Variants in CDHR2 observed in about 807,000 individuals in gnomAD.
The protein encoded by CDHR2 is cadherin-related family member 2.
CDHR2 carries 104 observed loss-of-function variants against 138.6 expected under a neutral mutation model. The observed-to-expected ratio is 0.75, with a 90% CI of 0.64 to 0.88. CDHR2 has a LOEUF of 0.88. Ranked by LOEUF, CDHR2 falls within the 40% of genes least tolerant of loss-of-function variation. The pLI, the probability that CDHR2 is intolerant of heterozygous loss-of-function variation, is 0.00. For missense variants in CDHR2, 1,624 were observed against 1,727.6 expected, an observed-to-expected ratio of 0.94 and a Z score of 1.06; for synonymous variants, 755 against 742.8, an observed-to-expected ratio of 1.02 and a Z score of -0.27.
At chr5:176,582,957 C>A (rs1350688549) in intron 17 of CDHR2, among the ~76,000 whole-genome samples, 1 of 152,190 alleles carries the variant, frequency 6.6e-6, no homozygotes, top group Admixed American at 6.5e-5. Flanking sequence ...GGATGGCACC[C>A]CATAGGGTTG....
At chr5:176,581,296 G>C in intron 16 of CDHR2, 47 bp from the exon 17 acceptor site, 1 of 1,603,794 alleles carries the variant, frequency 6.2e-7, no homozygotes, top group Non-Finnish European at 8.5e-7. Flanking sequence ...GGGGCTGGGG[G>C]CTGGGAATGC....
At chr5:176,552,896 G>A (rs1757740147) in intron 1 of CDHR2, among the ~76,000 whole-genome samples, 1 of 152,226 alleles carries the variant, frequency 6.6e-6, no homozygotes, top group Non-Finnish European at 1.5e-5. Flanking sequence ...AAAGGGGATT[G>A]ATGAATCCAG....
rs760127288 is a variant in CDHR2, at chr5:176,575,593, G to A, written c.844+12G>A. Reference sequence around the variant, plus strand: ...CTACAGCATCTCCTGTGAGAACGGGGTGTCCCCAGGCCAGGGCTGGGCCGG... The same window carrying A: ...CTACAGCATCTCCTGTGAGAACGGGATGTCCCCAGGCCAGGGCTGGGCCGG... On this transcript the variant is annotated intron_variant, in intron 10 of 31. Transcript: ENST00000261944. 6 of 1,613,822 alleles carry A rather than the reference G, an allele frequency of 3.7e-6. No homozygotes were observed. The highest frequency in any genetic ancestry group is 5.1e-6 in the Non-Finnish European group (6 of 1,179,702).
chr5:176,591,119 C>T (rs567423226), intron 28 of CDHR2, 91 bp from the exon 29 acceptor site: 65 of 844,828 alleles, frequency 7.7e-5, no homozygotes, highest in African/African-American at 6.2e-4. Context: ...ACTCACCTCC[C>T]GGGATCTTGT....
At chr5:176,571,606 G>A (rs1758233187) in intron 6 of CDHR2, among the ~76,000 whole-genome samples, 1 of 151,786 alleles carries the variant, frequency 6.6e-6, no homozygotes, top group South Asian at 2.1e-4. Context: ...GCACGATCTC[G>A]GCTCACTGCA....
At position 176,581,346 on chromosome 5, in the gene CDHR2, C is replaced by T; in HGVS notation, c.1822C>T (p.His608Tyr). Residue 608 changes from histidine (H) to tyrosine (Y), a missense_variant, in exon 17 of 32, where the codon CAC becomes TAC. Coordinates refer to ENST00000261944, the MANE Select transcript of CDHR2 (RefSeq NM_017675.6). The part of the protein sequence containing the change: ...EGNVSVTIQA[H>Y]DNDEPGTNNS... ...CAACCCCTGCTTACGTGCACAGGCC[C>T]ACGACAATGATGAGCCGGGCACCAA... 3 of 1,613,036 alleles carry T rather than the reference C, an allele frequency of 1.9e-6. No homozygotes were observed. Among genetic ancestry groups the T allele is most frequent in the Non-Finnish European group, 2.5e-6 (3 of 1,179,988 alleles).
In CDHR2 at chr5:176,585,004, A is replaced by G; in HGVS notation, c.2723A>G (p.Tyr908Cys). ...GCCACGGACCCCGGCTTCCAGGCCT[A>G]CAGCAACAATGGTAAGGCAGCCTGT... is the stretch of plus-strand genomic sequence containing the variant. ...DLATDPGFQA[Y>C]SNNGSLLITI... Residue 908 changes from tyrosine (Y) to cysteine (C), a missense_variant, in exon 19 of 32, where the codon TAC becomes TGC. Transcript: ENST00000261944. 2 of 1,545,128 alleles carry G rather than the reference A, an allele frequency of 1.3e-6. No homozygotes were observed. The highest frequency in any genetic ancestry group is 1.8e-6 in the Non-Finnish European group (2 of 1,141,472).
chr5:176,594,393 G>C lies in CDHR2; in HGVS notation c.3793-1139G>C, dbSNP rs185027310. 2.0e-3 allele frequency among the ~76,000 whole-genome samples: 307 copies of C among 152,268 alleles called. 3 individuals are homozygous for C. Among genetic ancestry groups the C allele is most frequent in the Non-Finnish European group, 1.8e-3 (122 of 68,026 alleles). On this transcript the variant is annotated intron_variant, in intron 31 of 31. Transcript: ENST00000261944. ...ATCCTTTTCCCAGGAATCTCTTGGT[G>C]CCCTGACTTGTCTAAGCTCCACACG...
chr5:176,564,583 C>G (rs1382016811), intron 1 of CDHR2, among the ~76,000 whole-genome samples: 1 of 152,206 alleles, frequency 6.6e-6, no homozygotes, highest in Non-Finnish European at 1.5e-5. Flanking sequence ...CAAGGGACGG[C>G]TTGCAACATA....
At chr5:176,564,304 G>A (rs112368684) in intron 1 of CDHR2, among the ~76,000 whole-genome samples, 1,752 of 152,262 alleles carry the variant, frequency 0.012, 37 homozygotes, top group African/African-American at 0.04. Flanking sequence ...TCCTGCCTCA[G>A]ACTCCCGAGT....
intron 3 of CDHR2, 133 bp downstream of exon 3, chr5:176,565,876 T>G: frequency 1.5e-6 from 1 of 661,838 alleles, no homozygotes; most frequent in Non-Finnish European, 2.6e-6. Context: ...TGAAGGGAGC[T>G]CCTTTGATTC....
At chr5:176,558,548 T>A (rs1757893763) in intron 1 of CDHR2, among the ~76,000 whole-genome samples, 1 of 152,172 alleles carries the variant, frequency 6.6e-6, no homozygotes, top group South Asian at 2.1e-4. Context: ...CACGCCCAGC[T>A]AATTTTTTCT....
chr5:176,588,897 C>T (rs1758761071), intron 21 of CDHR2, 134 bp from the exon 22 acceptor site: 3 of 853,330 alleles, frequency 3.5e-6, no homozygotes, highest in Admixed American at 4.6e-5. Flanking sequence ...TTTGCTTATT[C>T]GGGGCAGCGT....
chr5:176,592,151 TG>T (rs1758883035), intron 30 of CDHR2, among the ~76,000 whole-genome samples: 1 of 138,972 alleles, frequency 7.2e-6, no homozygotes, highest in Non-Finnish European at 1.6e-5. Flanking sequence ...ATGGTGATGA[TG>T]ACAATGATGA....
downstream of CDHR2, chr5:176,595,857 C>T (rs138301358): frequency 9.0e-5 from 49 of 542,988 alleles, no homozygotes; most frequent in African/African-American, 7.4e-4. Flanking sequence ...CCAAAAACTG[C>T]GGCTGGAGGG....
At chr5:176,554,813 C>G (rs1476122695) in intron 1 of CDHR2, among the ~76,000 whole-genome samples, 1 of 152,166 alleles carries the variant, frequency 6.6e-6, no homozygotes, top group Non-Finnish European at 1.5e-5. Context: ...GCCACCACAC[C>G]CAGCTAATTA....
At chr5:176,554,448 C>T (rs4538627) in intron 1 of CDHR2, among the ~76,000 whole-genome samples, 2,382 of 152,300 alleles carry the variant, frequency 0.016, 77 homozygotes, top group African/African-American at 0.054. Context: ...TATTCCCACT[C>T]ATCCCCCGCT....
chr5:176,565,460 C>T (rs923963589), intron 2 of CDHR2, 56 bp downstream of exon 2: 1 of 1,533,850 alleles, frequency 6.5e-7, no homozygotes, highest in Non-Finnish European at 9.0e-7. Context: ...CTTGGCAGGA[C>T]CCTCCAGAAA....
At chr5:176,550,067 G>C (rs1757672435) in intron 1 of CDHR2, among the ~76,000 whole-genome samples, 2 of 152,216 alleles carry the variant, frequency 1.3e-5, no homozygotes, top group African/African-American at 4.8e-5. Flanking sequence ...TGGTGACCCA[G>C]CTGAGAGTCG....
Sources: allele counts gnomAD v4.1 joint callset (sites outside exome capture counted in the v4.1 genomes callset), GRCh38; gene constraint gnomAD v4.1.1; transcripts MANE v1.5; gene names NCBI Gene and HGNC (gene_info 2026-07-23, HGNC 2026-07-21).